Variants in CCDC110 observed in about 807,000 individuals in gnomAD.
The protein encoded by CCDC110 is coiled-coil domain-containing protein 110.
Under a neutral mutation model 77.1 loss-of-function variants are expected in CCDC110, and 70 were observed. The ratio of observed to expected loss-of-function variants is 0.91; its 90% CI spans 0.75 to 1.11. The LOEUF (loss-of-function observed/expected upper bound fraction) is 1.11. CCDC110 is among the 50% of genes least tolerant of loss of function. The pLI is 0.00. For synonymous variants in CCDC110, 295 were observed against 312.5 expected (o/e 0.94, Z 0.59); for missense variants, 868 against 942.9 (o/e 0.92, Z 1.04).
At chr4:185,466,170 T>G (rs2095655421) in intron 2 of CCDC110, among the ~76,000 whole-genome samples, 2 of 151,948 alleles carry the variant, frequency 1.3e-5, no homozygotes, top group South Asian at 4.2e-4. Context: ...GGTCAGGAGA[T>G]CGAGACCATC....
chr4:185,449,454 T>C (rs1423538833), intron 6 of CCDC110: 3 of 513,400 alleles, frequency 5.8e-6, no homozygotes, highest in African/African-American at 2.0e-5. Context: ...GCCTAGGAGG[T>C]TGAGGTTGCA....
At chr4:185,449,673 C>G in intron 6 of CCDC110, 1 of 1,448,330 alleles carries the variant, frequency 6.9e-7, no homozygotes, top group Non-Finnish European at 9.4e-7. Context: ...CTTTCTAGAT[C>G]TTAACTATGA....
At chr4:185,445,589 C>A (rs1561145098) in intron 6 of CCDC110, 47 bp from the exon 7 acceptor site, 1 of 1,182,182 alleles carries the variant, frequency 8.5e-7, no homozygotes, top group Non-Finnish European at 1.2e-6. Flanking sequence ...GCCAACATAA[C>A]TATAATGCTT....
In CCDC110 at chr4:185,445,260, C is replaced by A; in HGVS notation, c.*242G>T. The A allele has an allele frequency of 1.2e-6, 1 of 828,446 alleles. No homozygotes were observed. Among genetic ancestry groups the A allele is most frequent in the Non-Finnish European group, 1.9e-6 (1 of 538,892 alleles). The allele number at this position is 828,446 out of a possible 1,614,324, so 51.3% of individuals were successfully genotyped here. A position where few individuals can be genotyped will look rare whatever the true frequency, so the allele number is the denominator to read the frequency against. Reference sequence around the variant, plus strand: ...CAAATGTGGGTGACTTTAGACATCTCAGCTCCTTCCATGTACAGGTACCTG... The same window carrying A: ...CAAATGTGGGTGACTTTAGACATCTAAGCTCCTTCCATGTACAGGTACCTG... On this transcript the variant is annotated 3_prime_UTR_variant, in exon 7 of 7. Coordinates refer to ENST00000307588, the MANE Select transcript of CCDC110 (RefSeq NM_152775.4).
chr4:185,452,821 T>G (rs12503290), intron 6 of CCDC110, among the ~76,000 whole-genome samples: 84,007 of 148,056 alleles, frequency 0.57, 24,508 homozygotes, highest in East Asian at 0.8. Context: ...CTTGAGCCTG[T>G]GAGGCGGAGG....
intron 6 of CCDC110, chr4:185,452,363 A>G (rs1180909231): frequency 1.0e-6 from 1 of 985,330 alleles, no homozygotes; most frequent in African/African-American, 1.7e-5. Flanking sequence ...ACATCTGTTC[A>G]AGGCTCAAAT....
At chr4:185,471,501 G>GGGGGCCGCAGCGGGTGCTCAGCCCT in intron 1 of CCDC110, 173 bp downstream of exon 1, 1 of 639,920 alleles carries the variant, frequency 1.6e-6, no homozygotes, top group Non-Finnish European at 2.5e-6. Context: ...AGCGGACGCA[G>GGGGGCCGCAGCGGGTGCTCAGCCCT]GGGGCCGCAG....
intron 6 of CCDC110, among the ~76,000 whole-genome samples, chr4:185,456,013 A>G (rs2095635535): frequency 6.6e-6 from 1 of 152,208 alleles, no homozygotes; most frequent in South Asian, 2.1e-4. Context: ...CAAGATCAGT[A>G]CAGATATAGA....
chr4:185,459,777 T>C lies in CCDC110; in HGVS notation c.810A>G (p.Gln270=). ...CATTCCTGTGAACATCTGGATCAGTTTGTAAAGTCTGAAGTTCATTTGTAA... is the reference window on the plus strand; with the variant it reads ...CATTCCTGTGAACATCTGGATCAGTCTGTAAAGTCTGAAGTTCATTTGTAA... ...VALTNELQTL[Q]TDPDVHRNGK... is the part of the protein sequence containing the mutation. Residue 270 remains glutamine (Q), a synonymous_variant, in exon 6 of 7, where the codon CAA becomes CAG. Coordinates refer to ENST00000307588, the MANE Select transcript of CCDC110 (RefSeq NM_152775.4). 2 of 1,613,738 alleles carry C rather than the reference T, an allele frequency of 1.2e-6. No homozygotes were observed. The highest frequency in any genetic ancestry group is 1.1e-5 in the South Asian group (1 of 91,070).
intron 6 of CCDC110, among the ~76,000 whole-genome samples, chr4:185,455,392 CAT>C (rs1418284875): frequency 6.6e-6 from 1 of 151,926 alleles, no homozygotes; most frequent in Non-Finnish European, 1.5e-5. Context: ...CCTACTGATT[CAT>C]CATTACAAAA....
chr4:185,458,129 T>A lies in CCDC110; in HGVS notation c.2458A>T (p.Lys820Ter), dbSNP rs1580179054. 6.5e-7 allele frequency: 1 copy of A among 1,545,906 alleles called. No individual in the cohort carries two copies. Among genetic ancestry groups the A allele is most frequent in the African/African-American group, 1.4e-5 (1 of 71,728 alleles). The change falls in exon 6 of 7, where the codon AAA (lysine) becomes TAA (stop). Residue 820 changes from lysine (K) to a stop codon, truncating the protein, a stop_gained. Transcript: ENST00000307588. LOFTEE classifies it high-confidence loss of function. ...TAATCTACCAGGACTTGCGTACCTT[T>A]CAAATCCGAAGCCAAAGGCCTACTC... ...PQSRPLASDL[K>*]GYFKVKDRTL...
intron 6 of CCDC110, among the ~76,000 whole-genome samples, chr4:185,446,476 A>C (rs192109698): frequency 6.6e-6 from 1 of 152,118 alleles, no homozygotes; most frequent in East Asian, 1.9e-4. Context: ...TTTTCACTTT[A>C]TTCTCTCACT....
At chr4:185,456,190 T>C (rs1445803362) in intron 6 of CCDC110, among the ~76,000 whole-genome samples, 1 of 151,984 alleles carries the variant, frequency 6.6e-6, no homozygotes, top group Non-Finnish European at 1.5e-5. Context: ...TAGAAATCAA[T>C]AAAAGAAAAA....
At chr4:185,464,226 GCTGT>G (rs2095651516) in intron 2 of CCDC110, among the ~76,000 whole-genome samples, 1 of 152,138 alleles carries the variant, frequency 6.6e-6, no homozygotes, top group African/African-American at 2.4e-5. Context: ...GGATTGGCAG[GCTGT>G]CAGATGTTAG....
At chr4:185,457,432 C>T in intron 6 of CCDC110, 1 of 356,686 alleles carries the variant, frequency 2.8e-6, no homozygotes, top group South Asian at 2.4e-5. Context: ...TTTACACTGC[C>T]TGTAGAAACT....
chr4:185,459,268 T>C lies in CCDC110; in HGVS notation c.1319A>G (p.Gln440Arg). Residue 440 changes from glutamine (Q) to arginine (R), a missense_variant, in exon 6 of 7, where the codon CAG becomes CGG. Gln to Arg is a conservative substitution (Grantham distance 43). Coordinates refer to ENST00000307588, the MANE Select transcript of CCDC110 (RefSeq NM_152775.4). Reference sequence around the variant, plus strand: ...CAGTTCCATTACTTTTTTCTGTATCTGCACAGATTCTTTTAGGTAATTCTG... The same window carrying C: ...CAGTTCCATTACTTTTTTCTGTATCCGCACAGATTCTTTTAGGTAATTCTG... Reference protein sequence around the residue: ...YLQNYLKESVQIQKKVMELES... With the variant: ...YLQNYLKESVRIQKKVMELES... 6.2e-7 allele frequency: 1 copy of C among 1,613,246 alleles called. No homozygotes were observed. The highest frequency in any genetic ancestry group is 8.5e-7 in the Non-Finnish European group (1 of 1,179,564).
chr4:185,460,716 A>C (rs1408401442), intron 5 of CCDC110, among the ~76,000 whole-genome samples: 1 of 152,090 alleles, frequency 6.6e-6, no homozygotes, highest in Non-Finnish European at 1.5e-5. Flanking sequence ...TTTGGTTTGG[A>C]GCTTTTCTAG....
intron 2 of CCDC110, among the ~76,000 whole-genome samples, chr4:185,469,029 C>A (rs1385765404): frequency 6.6e-6 from 1 of 152,212 alleles, no homozygotes; most frequent in Non-Finnish European, 1.5e-5. Context: ...ACCCTGGACA[C>A]CCTCAAATTC....
rs1162221164 is a variant in CCDC110, at chr4:185,445,521, C to T, written c.2483G>A (p.Arg828Lys). 5.7e-6 allele frequency: 9 copies of T among 1,576,514 alleles called. No homozygotes were observed. The highest frequency in any genetic ancestry group is 7.8e-6 in the Non-Finnish European group (9 of 1,152,884). The stretch of plus-strand genomic sequence containing the variant: ...GGAATCCTAATGATGCTTGAGAGTT[C>T]TGTCTTTAACTTTGAAATAACCTAT... Reference protein sequence around the residue: ...DLKGYFKVKDRTLKHH With the variant: ...DLKGYFKVKDKTLKHH The change falls in exon 7 of 7, where the codon AGA (arginine) becomes AAA (lysine). Residue 828 changes from arginine (R) to lysine (K), a missense_variant. Transcript: ENST00000307588.
Sources: gnomAD v4.1 joint callset for allele counts (sites outside exome capture counted in the v4.1 genomes callset) on GRCh38, gnomAD v4.1.1 for gene constraint, MANE v1.5 for transcripts, NCBI Gene and HGNC (gene_info 2026-07-23, HGNC 2026-07-21) for gene names.